Variants in PCDHGB6 observed in about 807,000 individuals in gnomAD.
PCDHGB6 encodes the protein protocadherin gamma-B6.
Under a neutral mutation model 59.1 loss-of-function variants are expected in PCDHGB6, and 51 were observed. The observed-to-expected ratio is 0.86, with a 90% CI of 0.69 to 1.09. The LOEUF is 1.09. PCDHGB6 is among the 50% of genes least tolerant of loss of function. PCDHGB6 has a pLI of 0.00. For missense variants in PCDHGB6, 1,148 were observed against 1,205.1 expected (o/e 0.95, Z 0.70); for synonymous variants, 466 against 495.1 (o/e 0.94, Z 0.78).
At chr5:141,430,815 T>A in intron 1 of PCDHGB6, 1 of 1,535,252 alleles carries the variant, frequency 6.5e-7, no homozygotes, top group Non-Finnish European at 8.7e-7. Flanking sequence ...CTGGGAATCC[T>A]CCTGGGGACT....
rs1404447940 is a variant in PCDHGB6 at position 141,428,036 on chromosome 5, C to T, written c.2418+17416C>T. On this transcript the variant is annotated intron_variant, in intron 1 of 3. Transcript: ENST00000520790. ...TGCCACGCGCCGCAGAGTCCGGCTA[C>T]CTGGTGACCAAGGTGGTGGCGGTGG... The T allele has an allele frequency of 3.7e-6, 6 of 1,608,246 alleles. No homozygotes were observed. The African/African-American group carries it at 4.0e-5, about 11-fold the overall frequency.
rs544291535 is a variant in PCDHGB6 at position 141,433,938 on chromosome 5, C to T, written c.2418+23318C>T. 4.6e-5 allele frequency among the ~76,000 whole-genome samples: 7 copies of T among 151,784 alleles called. No homozygotes were observed. The South Asian group carries it at 1.3e-3, about 27-fold the overall frequency. On this transcript the variant is annotated intron_variant, in intron 1 of 3. Coordinates refer to ENST00000520790, the MANE Select transcript of PCDHGB6 (RefSeq NM_018926.3). ...CCTCCAAATGAAGATTTTATAATTCCATTGTTTCTTCTACAGTTGTTAATT... is the reference window on the plus strand; with the variant it reads ...CCTCCAAATGAAGATTTTATAATTCTATTGTTTCTTCTACAGTTGTTAATT...
At chr5:141,426,665 T>A in intron 1 of PCDHGB6, 1 of 429,940 alleles carries the variant, frequency 2.3e-6, no homozygotes, top group South Asian at 1.6e-5. Context: ...ATATAAATGA[T>A]AACCCACCTC....
chr5:141,502,784 G>C (rs185608958), intron 2 of PCDHGB6, among the ~76,000 whole-genome samples: 1 of 151,804 alleles, frequency 6.6e-6, no homozygotes, highest in Non-Finnish European at 1.5e-5. Flanking sequence ...AAATTACCTG[G>C]ATGATTTCTT....
chr5:141,443,849 T>A (rs1233479391), intron 1 of PCDHGB6, among the ~76,000 whole-genome samples: 2 of 152,136 alleles, frequency 1.3e-5, no homozygotes, highest in Admixed American at 1.3e-4. Flanking sequence ...ATATGGAAAG[T>A]CTGAAAACTG....
chr5:141,461,845 C>CA (rs2099025049), intron 1 of PCDHGB6, among the ~76,000 whole-genome samples: 1 of 151,000 alleles, frequency 6.6e-6, no homozygotes. Context: ...TTTTTTGAGA[C>CA]AGAGTTTTGC....
Position 141,486,453 on chromosome 5 carries a change from C to T in PCDHGB6, c.2419-8354C>T, listed in dbSNP as rs776820667. 6.2e-6 allele frequency: 10 copies of T among 1,614,114 alleles called. No homozygotes were observed. The highest frequency in any genetic ancestry group is 1.1e-5 in the South Asian group (1 of 91,082). On this transcript the variant is annotated intron_variant, in intron 1 of 3. Transcript: ENST00000520790. The surrounding 1 kb of genome is among the most constrained non-coding windows in gnomAD (Gnocchi z 5.0). ...TCTAGCTATGACATCATGGTCACTGCTTCTGATGCTGGGAACCCTCCTCTC... is the reference window on the plus strand; with the variant it reads ...TCTAGCTATGACATCATGGTCACTGTTTCTGATGCTGGGAACCCTCCTCTC...
chr5:141,491,434 A>G lies in PCDHGB6; in HGVS notation c.2419-3373A>G, dbSNP rs1362196179. The G allele has an allele frequency of 6.2e-7, 1 of 1,614,032 alleles. No individual in the cohort carries two copies. ...GGACGGGGGTGGAGGGCAGTGCTGC[A>G]GGCGCCAGGACTCACCCTCCCCGGA... On this transcript the variant is annotated intron_variant, in intron 1 of 3. Coordinates refer to ENST00000520790, the MANE Select transcript of PCDHGB6 (RefSeq NM_018926.3). The surrounding 1 kb of genome is among the most constrained non-coding windows in gnomAD (Gnocchi z 6.9).
At chr5:141,418,328 G>C in intron 1 of PCDHGB6, 1 of 1,614,002 alleles carries the variant, frequency 6.2e-7, no homozygotes. Flanking sequence ...TCTTGAGTCT[G>C]CAGAAGATCC....
chr5:141,465,313 T>C (rs113508011), intron 1 of PCDHGB6, among the ~76,000 whole-genome samples: 5 of 152,312 alleles, frequency 3.3e-5, no homozygotes, highest in Admixed American at 6.5e-5. Context: ...AATTTAGCCA[T>C]GTCAATGCAG....
chr5:141,495,818 GTTC>G (rs2099764072), intron 2 of PCDHGB6, among the ~76,000 whole-genome samples: 1 of 151,904 alleles, frequency 6.6e-6, no homozygotes, highest in South Asian at 2.1e-4. Context: ...AGCGCCTTGT[GTTC>G]TTCTATCCCC....
At position 141,408,449 on chromosome 5, in the gene PCDHGB6, G is replaced by C. The variant is rs1561713163; in HGVS notation, c.247G>C (p.Asp83His). Residue 83 changes from aspartate (D) to histidine (H), a missense_variant, in exon 1 of 4, where the codon GAC becomes CAC. Physicochemically the swap from Asp to His is moderately conservative, Grantham distance 81 (BLOSUM62 -1). Around this residue, in one of 5 missense-constraint regions of PCDHGB6, gnomAD observed 307 missense variants for 323.8 expected, o/e 0.95. Coordinates refer to ENST00000520790, the MANE Select transcript of PCDHGB6 (RefSeq NM_018926.3). ...LHFSVDAESG[D>H]LLVKNRIDRE... Reference sequence around the variant, plus strand: ...CTTCAGCGTAGACGCGGAGAGCGGGGACTTACTTGTGAAGAACCGAATAGA... The same window carrying C: ...CTTCAGCGTAGACGCGGAGAGCGGGCACTTACTTGTGAAGAACCGAATAGA... The C allele has an allele frequency of 1.9e-6, 3 of 1,613,966 alleles. No individual in the cohort carries two copies. In the Admixed American group the frequency reaches 5.0e-5, roughly 27 times the overall value.
chr5:141,496,306 C>T (rs1380057886), intron 2 of PCDHGB6, among the ~76,000 whole-genome samples: 1 of 152,202 alleles, frequency 6.6e-6, no homozygotes, highest in South Asian at 2.1e-4. Flanking sequence ...ATAGGCTCTG[C>T]GCCAGGCCTC....
intron 3 of PCDHGB6, among the ~76,000 whole-genome samples, chr5:141,508,848 TC>T (rs1390332366): frequency 6.6e-5 from 10 of 151,752 alleles, no homozygotes. Context: ...CCCCTTCCAT[TC>T]CCAGGCTGGG....
chr5:141,431,066 CAATT>C lies in PCDHGB6; in HGVS notation c.2418+20449_2418+20452del, dbSNP rs762972663. ...GCTCTGTATGGGGGCCATCAAGTGT[CAATT>C]AAATCTAGACATTCTGATGGAGGAT... On this transcript the variant is annotated intron_variant, in intron 1 of 3. Transcript: ENST00000520790. This position sits in a 1 kb window ranked among gnomAD's most constrained non-coding sequence, Gnocchi z 4.8. 9 of 1,614,042 alleles carry C rather than the reference CAATT, an allele frequency of 5.6e-6. No individual in the cohort carries two copies. The East Asian group carries it at 2.0e-4, about 36-fold the overall frequency.
chr5:141,434,838 A>G (rs1363952147), intron 1 of PCDHGB6, among the ~76,000 whole-genome samples: 1 of 152,022 alleles, frequency 6.6e-6, no homozygotes, highest in Non-Finnish European at 1.5e-5. Context: ...GGCATTTATA[A>G]AGCAGACATC....
At chr5:141,421,489 G>A in intron 1 of PCDHGB6, 1 of 1,614,094 alleles carries the variant, frequency 6.2e-7, no homozygotes, top group Non-Finnish European at 8.5e-7. Flanking sequence ...CTTGATCACG[G>A]CAGGCAGGAT....
chr5:141,482,144 G>A (rs564178008), intron 1 of PCDHGB6, among the ~76,000 whole-genome samples: 2 of 151,756 alleles, frequency 1.3e-5, no homozygotes, highest in African/African-American at 2.4e-5. Flanking sequence ...GGCATAAAAA[G>A]GTCAAGTCAA....
At chr5:141,421,192 C>G (rs758345796) in intron 1 of PCDHGB6, 22 of 1,491,716 alleles carry the variant, frequency 1.5e-5, no homozygotes, top group Non-Finnish European at 1.9e-5. Flanking sequence ...AACCAACCAG[C>G]TCGAGAAACC....
Sources: allele counts gnomAD v4.1 joint callset (sites outside exome capture counted in the v4.1 genomes callset), GRCh38; gene constraint gnomAD v4.1.1; regional missense constraint gnomAD v4.1.1; non-coding constraint Gnocchi (gnomAD v3.1); transcripts MANE v1.5; gene names NCBI Gene and HGNC (gene_info 2026-07-23, HGNC 2026-07-21).